HIPK1: variants seen among roughly 807,000 people sequenced by gnomAD.
HIPK1 encodes the protein homeodomain interacting protein kinase 1.
HIPK1 carries 28 observed loss-of-function variants against 117.1 expected under a neutral mutation model. The ratio of observed to expected loss-of-function variants is 0.24; its 90% CI spans 0.18 to 0.33. The LOEUF (loss-of-function observed/expected upper bound fraction) is 0.33, where lower values mean the gene tolerates loss of function less well. Among genes scored for constraint, HIPK1 ranks in the 10% least tolerant of loss-of-function variants. HIPK1 has a pLI of 1.00. For missense variants in HIPK1, 1,122 were observed against 1,475.1 expected (o/e 0.76, Z 3.92); for synonymous variants, 605 against 562.5 (o/e 1.08, Z -1.07).
chr1:113,933,189 G>C, intron 1 of HIPK1: 1 of 985,302 alleles, frequency 1.0e-6, no homozygotes, highest in Non-Finnish European at 1.2e-6. Context: ...CAAAGCAACA[G>C]CCTCTGCCAC....
intron 2 of HIPK1, chr1:113,951,368 A>G (rs772531514): frequency 1.3e-6 from 1 of 762,392 alleles, no homozygotes; most frequent in Non-Finnish European, 1.6e-6. Context: ...CAGGGATTCA[A>G]ATCCTAGCTC....
intron 11 of HIPK1, among the ~76,000 whole-genome samples, chr1:113,967,083 G>A (rs556843397): frequency 6.6e-6 from 1 of 152,254 alleles, no homozygotes; most frequent in South Asian, 2.1e-4. Context: ...TTGTGGCTGA[G>A]TAGTACTCCA....
intron 5 of HIPK1, among the ~76,000 whole-genome samples, chr1:113,955,876 A>G (rs1489397093): frequency 6.6e-6 from 1 of 152,120 alleles, no homozygotes; most frequent in East Asian, 1.9e-4. Context: ...GTTACATAGC[A>G]GTGTTTTAAA....
At chr1:113,955,523 A>G (rs1671660517) in intron 4 of HIPK1, 40 bp from the exon 5 acceptor site, 5 of 1,199,224 alleles carry the variant, frequency 4.2e-6, no homozygotes, top group Non-Finnish European at 6.1e-6. Flanking sequence ...TGAAAATAAC[A>G]TACAGATGGA....
In HIPK1 at chr1:113,970,126, G is replaced by C; in HGVS notation, c.2942G>C (p.Gly981Ala). 1 of 1,614,102 alleles carries C rather than the reference G, an allele frequency of 6.2e-7. No homozygotes were observed. Among genetic ancestry groups the C allele is most frequent in the Non-Finnish European group, 8.5e-7 (1 of 1,179,990 alleles). Residue 981 changes from glycine to alanine, a missense_variant, in exon 14 of 16, where the codon GGC becomes GCC. Gly to Ala is a moderately conservative substitution (Grantham distance 60). This residue lies in a region of HIPK1 where 731 missense variants were observed against 860.4 expected (regional missense o/e 0.85). Coordinates refer to ENST00000426820, the MANE Select transcript of HIPK1 (RefSeq NM_198268.3). Reference protein sequence around the residue: ...GPGRVVADGTGTRTIIVPPLK... With the variant: ...GPGRVVADGTATRTIIVPPLK... ...GGCAGAGTTGTGGCAGATGGCACTG[G>C]CACCCGCACTATCATTGTGCCTCCA... is the stretch of plus-strand genomic sequence containing the variant.
At chr1:113,930,332 A>G (rs1350377386) in intron 1 of HIPK1, among the ~76,000 whole-genome samples, 1 of 152,016 alleles carries the variant, frequency 6.6e-6, no homozygotes, top group African/African-American at 2.4e-5. Flanking sequence ...TCCGCTTATC[A>G]CCATGGTTTT....
intron 11 of HIPK1, among the ~76,000 whole-genome samples, chr1:113,966,731 G>C (rs147295165): frequency 0.011 from 1,601 of 152,030 alleles, 37 homozygotes; most frequent in African/African-American, 0.036. Context: ...TTTATCCTTT[G>C]AGTTACAAAT....
chr1:113,941,027 T>C lies in HIPK1; in HGVS notation c.644T>C (p.Ile215Thr), dbSNP rs1179147497. Residue 215 changes from isoleucine to threonine, a missense_variant, in exon 2 of 16, where the codon ATT becomes ACT. Coordinates refer to ENST00000426820, the MANE Select transcript of HIPK1 (RefSeq NM_198268.3). This position sits in a 1 kb window ranked among gnomAD's most constrained non-coding sequence, Gnocchi z 4.9. ...AKCWKRSTKE[I>T]VAIKILKNHP... ...TGCTGGAAGAGGAGCACCAAGGAAA[T>C]TGTGGCTATTAAAATCTTGAAGAAC... 6.2e-7 allele frequency: 1 copy of C among 1,614,122 alleles called. No individual in the cohort carries two copies. Among genetic ancestry groups the C allele is most frequent in the Non-Finnish European group, 8.5e-7 (1 of 1,180,026 alleles).
Position 113,973,118 on chromosome 1 carries a change from C to T in HIPK1, c.3239C>T (p.Ala1080Val). 2 of 1,578,134 alleles carry T rather than the reference C, an allele frequency of 1.3e-6. No homozygotes were observed. The highest frequency in any genetic ancestry group is 8.6e-7 in the Non-Finnish European group (1 of 1,161,856). The change falls in exon 16 of 16, where the codon GCC (alanine) becomes GTC (valine). Residue 1080 changes from alanine (A) to valine (V), a missense_variant. Around this residue, in one of 6 missense-constraint regions of HIPK1, gnomAD observed 731 missense variants for 860.4 expected, o/e 0.85. Coordinates refer to ENST00000426820, the MANE Select transcript of HIPK1 (RefSeq NM_198268.3). Reference protein sequence around the residue: ...QQAFVAPLSQAPYTFQHGSPL... With the variant: ...QQAFVAPLSQVPYTFQHGSPL... Reference sequence around the variant, plus strand: ...GCGTTTGTGGCCCCTCTCTCCCAAGCCCCCTACACCTTCCAGCATGGCAGC... The same window carrying T: ...GCGTTTGTGGCCCCTCTCTCCCAAGTCCCCTACACCTTCCAGCATGGCAGC...
intron 6 of HIPK1, 39 bp from the exon 7 acceptor site, chr1:113,957,085 C>A (rs768529529): frequency 1.3e-6 from 2 of 1,521,400 alleles, no homozygotes; most frequent in African/African-American, 1.4e-5. Flanking sequence ...CTGTTTAAAT[C>A]TCAGCATTCA....
At chr1:113,966,013 G>A in intron 10 of HIPK1, 117 bp from the exon 11 acceptor site, 5 of 985,414 alleles carry the variant, frequency 5.1e-6, no homozygotes, top group Non-Finnish European at 3.0e-6. Context: ...ATCTCTGCAA[G>A]TTAACAATCT....
chr1:113,957,982 T>G, intron 7 of HIPK1, 84 bp from the exon 8 acceptor site: 1 of 1,039,346 alleles, frequency 9.6e-7, no homozygotes, highest in Non-Finnish European at 1.5e-6. Context: ...TATTCTACGT[T>G]TTTCTGGATA....
At chr1:113,962,197 T>C in intron 8 of HIPK1, 120 bp from the exon 9 acceptor site, 1 of 928,294 alleles carries the variant, frequency 1.1e-6, no homozygotes, top group Admixed American at 2.6e-5. Context: ...TTGTCTTAAG[T>C]GTCTAGGATT....
intron 1 of HIPK1, among the ~76,000 whole-genome samples, chr1:113,931,205 A>G (rs1669873939): frequency 6.6e-6 from 1 of 151,350 alleles, no homozygotes; most frequent in Non-Finnish European, 1.5e-5. Context: ...AGAGAATGCA[A>G]ACTATTACTA....
intron 2 of HIPK1, 135 bp from the exon 3 acceptor site, chr1:113,952,631 T>G (rs1671441898): frequency 1.7e-6 from 1 of 592,496 alleles, no homozygotes; most frequent in Non-Finnish European, 2.6e-6. Flanking sequence ...TGATGGATTG[T>G]ATACCAAAGA....
intron 2 of HIPK1, among the ~76,000 whole-genome samples, chr1:113,944,139 T>C (rs1670825152): frequency 6.6e-6 from 1 of 151,458 alleles, no homozygotes; most frequent in Admixed American, 6.6e-5. Flanking sequence ...CTTGTTTTGT[T>C]TTTTAAATAA....
At chr1:113,972,930 CAGTACA>C in intron 15 of HIPK1, 88 bp from the exon 16 acceptor site, 3 of 1,380,242 alleles carry the variant, frequency 2.2e-6, no homozygotes, top group Non-Finnish European at 2.9e-6. Flanking sequence ...CATTCGAAAA[CAGTACA>C]AGTCAGAACC....
rs200226919 is a variant in HIPK1 at position 113,966,278 on chromosome 1, T to C, written c.2381+6T>C. Reference sequence around the variant, plus strand: ...CAGCAGCTAGCTGACTGGAGGCAAGTGTCCTGTGTTACTCTGGGAGATTTG... The same window carrying C: ...CAGCAGCTAGCTGACTGGAGGCAAGCGTCCTGTGTTACTCTGGGAGATTTG... On this transcript the variant is annotated splice_donor_region_variant and intron_variant, in intron 11 of 15. Transcript: ENST00000426820. 78 of 1,611,278 alleles carry C rather than the reference T, an allele frequency of 4.8e-5. No homozygotes were observed. The East Asian group carries it at 1.7e-3, about 36-fold the overall frequency.
At chr1:113,969,696 GC>G (rs1672692747) in intron 13 of HIPK1, among the ~76,000 whole-genome samples, 1 of 152,084 alleles carries the variant, frequency 6.6e-6, no homozygotes, top group South Asian at 2.1e-4. Context: ...GATCACTTGA[GC>G]CCAGGAATTT....
Sources: allele counts gnomAD v4.1 joint callset (sites outside exome capture counted in the v4.1 genomes callset), GRCh38; gene constraint gnomAD v4.1.1; regional missense constraint gnomAD v4.1.1; non-coding constraint Gnocchi (gnomAD v3.1); transcripts MANE v1.5; gene names NCBI Gene and HGNC (gene_info 2026-07-23, HGNC 2026-07-21).